GNG4: variants seen among roughly 807,000 people sequenced by gnomAD.
GNG4 encodes the protein guanine nucleotide-binding protein G(I)/G(S)/G(O) subunit gamma-4.
In GNG4, 4 loss-of-function variants were observed where a neutral mutation model predicts 5.8. That is an observed-to-expected ratio of 0.69 (90% confidence interval 0.34 to 1.57). GNG4 has a LOEUF of 1.57. GNG4 is among the 40% of genes most tolerant of loss of function. The probability of loss-of-function intolerance (pLI) is 0.06; values close to 1 mark genes in which losing one functional copy is unlikely to be tolerated. For missense variants in GNG4, 96 were observed against 95.1 expected (o/e 1.01, Z -0.04); for synonymous variants, 29 against 32.9 (o/e 0.88, Z 0.41).
At position 235,649,284 on chromosome 1, in the gene GNG4, G is replaced by A. The variant is rs909930880; in HGVS notation, c.-123+378C>T. On this transcript the variant is annotated intron_variant, in intron 1 of 3. Transcript: ENST00000391854. The surrounding 1 kb of genome is among the most constrained non-coding windows in gnomAD (Gnocchi z 5.7). ...GCCACTGAGGTCCTTTTCCACGGGG[G>A]ACGTCCCCGCTGGGAAAACAGCAAA... Among the ~76,000 whole-genome samples, 2 of 152,224 alleles carry A rather than the reference G, an allele frequency of 1.3e-5. No individual in the cohort carries two copies. Among genetic ancestry groups the A allele is most frequent in the Non-Finnish European group, 2.9e-5 (2 of 68,028 alleles).
intron 3 of GNG4, among the ~76,000 whole-genome samples, chr1:235,563,942 C>T (rs546264532): frequency 5.9e-5 from 9 of 152,276 alleles, no homozygotes; most frequent in African/African-American, 1.7e-4. Flanking sequence ...GAATCTTAAG[C>T]CCACTTCTCT....
chr1:235,560,094 T>G (rs1315548891), intron 3 of GNG4, among the ~76,000 whole-genome samples: 3 of 152,210 alleles, frequency 2.0e-5, no homozygotes, highest in Admixed American at 2.0e-4. Context: ...TCCATCACTT[T>G]GCAAGTTTGC....
At chr1:235,628,416 C>CG (rs369455729) in intron 1 of GNG4, among the ~76,000 whole-genome samples, 1,734 of 136,716 alleles carry the variant, frequency 0.013, 21 homozygotes, top group African/African-American at 0.033. Flanking sequence ...TGTTAGGAGA[C>CG]GGGGGGGGGT....
intron 1 of GNG4, among the ~76,000 whole-genome samples, chr1:235,612,950 C>T (rs1338450596): frequency 2.0e-5 from 3 of 152,182 alleles, no homozygotes; most frequent in Non-Finnish European, 4.4e-5. Context: ...TCACCTCTCA[C>T]TGTGTCCTCA....
chr1:235,628,818 C>T (rs963726863), intron 1 of GNG4, among the ~76,000 whole-genome samples: 1 of 152,158 alleles, frequency 6.6e-6, no homozygotes, highest in African/African-American at 2.4e-5. Flanking sequence ...GGAAGCCCAG[C>T]CTCCTTTCTC....
Position 235,591,892 on chromosome 1 carries a change from G to A in GNG4, c.-11+3508C>T, listed in dbSNP as rs143217606. Among the ~76,000 whole-genome samples, 456 of 152,326 alleles carry A rather than the reference G, an allele frequency of 3.0e-3. 2 individuals are homozygous for A. Among genetic ancestry groups the A allele is most frequent in the African/African-American group, 0.01 (425 of 41,580 alleles). The stretch of plus-strand genomic sequence containing the variant: ...GATGCAGCAGAGAACCCGTTGTACG[G>A]GTCTGTGGGACCCCCAGCAGGGAAA... On this transcript the variant is annotated intron_variant, in intron 2 of 3. Transcript: ENST00000391854.
chr1:235,578,968 A>C (rs1391343185), intron 3 of GNG4, among the ~76,000 whole-genome samples: 4 of 151,950 alleles, frequency 2.6e-5, no homozygotes, highest in Admixed American at 6.6e-5. Context: ...GCGGTGGTGC[A>C]CACTTGTAAT....
chr1:235,637,212 T>C (rs948060566), intron 1 of GNG4, among the ~76,000 whole-genome samples: 5 of 152,156 alleles, frequency 3.3e-5, no homozygotes, highest in Non-Finnish European at 7.4e-5. Context: ...ACTTGGAATA[T>C]AAATTGAGCA....
chr1:235,558,997 G>A (rs1686988063), intron 3 of GNG4, among the ~76,000 whole-genome samples: 1 of 152,212 alleles, frequency 6.6e-6, no homozygotes. Context: ...AATGATGGGA[G>A]AAAATGCCGC....
intron 2 of GNG4, among the ~76,000 whole-genome samples, chr1:235,591,046 T>C (rs1687949112): frequency 6.6e-6 from 1 of 152,146 alleles, no homozygotes; most frequent in Non-Finnish European, 1.5e-5. Flanking sequence ...GGACCACACT[T>C]TGAGTAGCAA....
intron 1 of GNG4, among the ~76,000 whole-genome samples, chr1:235,603,132 AC>A (rs1688290326): frequency 6.6e-6 from 1 of 152,034 alleles, no homozygotes; most frequent in Non-Finnish European, 1.5e-5. Context: ...AGTCCCAGCT[AC>A]TTGGGAGGCT....
intron 1 of GNG4, among the ~76,000 whole-genome samples, chr1:235,629,575 ATTTTTCTTTCT>A (rs113217047): frequency 0.03 from 4,390 of 146,046 alleles, 202 homozygotes; most frequent in African/African-American, 0.11. Context: ...AGCCTCTCAA[ATTTTTCTTTCT>A]TTTTTCTTTC....
intron 2 of GNG4, among the ~76,000 whole-genome samples, chr1:235,585,299 G>A (rs533064871): frequency 6.6e-6 from 1 of 151,322 alleles, no homozygotes; most frequent in Non-Finnish European, 1.5e-5. Flanking sequence ...TAATGCAGTG[G>A]TGCAATCACA....
At chr1:235,562,770 G>C (rs1197016810) in intron 3 of GNG4, among the ~76,000 whole-genome samples, 1 of 151,100 alleles carries the variant, frequency 6.6e-6, no homozygotes, top group Non-Finnish European at 1.5e-5. Context: ...ACTATATTGA[G>C]TCTTCTTATC....
intron 3 of GNG4, among the ~76,000 whole-genome samples, chr1:235,580,971 C>T (rs945668936): frequency 4.6e-5 from 7 of 152,026 alleles, no homozygotes; most frequent in Admixed American, 3.9e-4. Flanking sequence ...AGGCTAGTCT[C>T]GAACTCCTGA....
chr1:235,564,847 G>T (rs1015348501), intron 3 of GNG4, among the ~76,000 whole-genome samples: 1 of 152,090 alleles, frequency 6.6e-6, no homozygotes, highest in Non-Finnish European at 1.5e-5. Flanking sequence ...CTCCACGCCC[G>T]GCTTATTTTG....
At chr1:235,619,438 G>A (rs192003815) in intron 1 of GNG4, among the ~76,000 whole-genome samples, 2 of 152,110 alleles carry the variant, frequency 1.3e-5, no homozygotes, top group Non-Finnish European at 2.9e-5. Context: ...TCCCTTCCTG[G>A]GAGACATCTC....
chr1:235,586,425 C>T (rs1213414299), intron 2 of GNG4, among the ~76,000 whole-genome samples: 1 of 152,154 alleles, frequency 6.6e-6, no homozygotes, highest in African/African-American at 2.4e-5. Flanking sequence ...TGTGTGTCTA[C>T]ACAAAATGAG....
At position 235,600,100 on chromosome 1, in the gene GNG4, CTTTTTTTT is replaced by C. The variant is rs533853180; in HGVS notation, c.-122-4597_-122-4590del. 5.5e-3 allele frequency among the ~76,000 whole-genome samples: 237 copies of C among 43,134 alleles called. 2 individuals are homozygous for C. Among genetic ancestry groups the C allele is most frequent in the African/African-American group, 0.022 (212 of 9,714 alleles). 28.3% of individuals were successfully genotyped at this position (43,134 alleles called of 152,430 possible). ...TCCTTTATCTGGTTGCGGAAGAAAG[CTTTTTTTT>C]TTTTTTTTTTTTTTTTTTTTTAGAC... On this transcript the variant is annotated intron_variant, in intron 1 of 3. Coordinates refer to ENST00000391854, the MANE Select transcript of GNG4 (RefSeq NM_001098722.2).
Sources: gnomAD v4.1 joint callset for allele counts (sites outside exome capture counted in the v4.1 genomes callset) on GRCh38, gnomAD v4.1.1 for gene constraint, Gnocchi (gnomAD v3.1) non-coding constraint, MANE v1.5 for transcripts, NCBI Gene and HGNC (gene_info 2026-07-23, HGNC 2026-07-21) for gene names.